The following PPP1R21 variants were observed in gnomAD, a reference collection of about 807,000 sequenced individuals.
The protein encoded by PPP1R21 is protein phosphatase 1 regulatory subunit 21, also known as KLRAQ motif containing 1.
A neutral mutation model predicts 112.8 loss-of-function variants in PPP1R21; 85 were observed. The ratio of observed to expected loss-of-function variants is 0.75; its 90% CI spans 0.63 to 0.90. The LOEUF is 0.90. Ranked by LOEUF, PPP1R21 falls within the 40% of genes least tolerant of loss-of-function variation. The pLI is 0.00. For synonymous variants in PPP1R21, 381 were observed against 322.3 expected, an observed-to-expected ratio of 1.18 and a Z score of -1.95; for missense variants, 1,199 against 901.5, an observed-to-expected ratio of 1.33 and a Z score of -4.23.
At chr2:48,473,763 T>C (rs151056377) in intron 11 of PPP1R21, among the ~76,000 whole-genome samples, 157 of 152,290 alleles carry the variant, frequency 1.0e-3, no homozygotes, top group South Asian at 1.9e-3. Context: ...TTTTTTTTGC[T>C]TGATTACCTC....
Position 48,491,007 on chromosome 2 carries a change from A to G in PPP1R21, c.1447-11A>G. The G allele has an allele frequency of 6.2e-7, 1 of 1,611,726 alleles. No individual in the cohort carries two copies. Among genetic ancestry groups the G allele is most frequent in the Non-Finnish European group, 8.5e-7 (1 of 1,177,910 alleles). ...AAAACAAAATCTATTTCCTTGTCAT[A>G]CTTTGTTTAGATTGCATCCTTCTTC... On this transcript the variant is annotated splice_polypyrimidine_tract_variant and intron_variant, in intron 14 of 21. Coordinates refer to ENST00000294952, the MANE Select transcript of PPP1R21 (RefSeq NM_001135629.3).
At position 48,507,254 on chromosome 2, in the gene PPP1R21, T is replaced by A; in HGVS notation, c.1969-15T>A. 6.5e-7 allele frequency: 1 copy of A among 1,529,604 alleles called. No homozygotes were observed. Among genetic ancestry groups the A allele is most frequent in the Non-Finnish European group, 8.7e-7 (1 of 1,148,586 alleles). The allele number at this position is 1,529,604 out of a possible 1,614,324, so 94.8% of individuals were successfully genotyped here. ...CTGGTACTTGTTTATTTATGTGTAT[T>A]TGTGTTCTATTTAGGTTCCAGATGT... On this transcript the variant is annotated splice_polypyrimidine_tract_variant and intron_variant, in intron 18 of 21. Coordinates refer to ENST00000294952, the MANE Select transcript of PPP1R21 (RefSeq NM_001135629.3).
intron 16 of PPP1R21, 123 bp downstream of exon 16, chr2:48,495,894 G>A (rs753558876): frequency 6.6e-6 from 4 of 605,444 alleles, no homozygotes; most frequent in Admixed American, 2.9e-5. Context: ...GAAATGAATT[G>A]TTTAATACAT....
intron 20 of PPP1R21, among the ~76,000 whole-genome samples, chr2:48,511,034 AT>A (rs916418933): frequency 6.6e-6 from 1 of 152,168 alleles, no homozygotes; most frequent in Non-Finnish European, 1.5e-5. Context: ...AAGTAAAAGA[AT>A]TTTTTTAAAA....
intron 17 of PPP1R21, among the ~76,000 whole-genome samples, chr2:48,504,220 C>T (rs1345245656): frequency 6.6e-6 from 1 of 152,144 alleles, no homozygotes; most frequent in African/African-American, 2.4e-5. Context: ...TATGGCTCTT[C>T]TATTTTAAAA....
At chr2:48,452,480 C>T (rs1667519293) in intron 2 of PPP1R21, among the ~76,000 whole-genome samples, 1 of 151,042 alleles carries the variant, frequency 6.6e-6, no homozygotes, top group African/African-American at 2.4e-5. Context: ...GGAGTTGGAG[C>T]ATTAGTTTAT....
chr2:48,465,992 A>T (rs556748721), intron 9 of PPP1R21, among the ~76,000 whole-genome samples: 5 of 152,288 alleles, frequency 3.3e-5, no homozygotes, highest in Non-Finnish European at 7.4e-5. Context: ...TGTTTCGTGG[A>T]TGGTGGCAGG....
rs568005629 is a variant in PPP1R21 at position 48,474,711 on chromosome 2, T to C, written c.1117T>C (p.Cys373Arg). 93 of 1,611,044 alleles carry C rather than the reference T, an allele frequency of 5.8e-5. No individual in the cohort carries two copies. The highest frequency in any genetic ancestry group is 7.8e-5 in the Non-Finnish European group (92 of 1,178,740). Residue 373 changes from cysteine to arginine, a missense_variant, in exon 12 of 22, where the codon TGC (cysteine) becomes CGC (arginine). Transcript: ENST00000294952. ...SLEEECESSL[C>R]TSALRARNLE... is the part of the protein sequence containing the mutation. Reference sequence around the variant, plus strand: ...AGAAGAAGAATGTGAATCCTCTCTTTGCACATCTGCGTTAAGAGCCAGGAA... The same window carrying C: ...AGAAGAAGAATGTGAATCCTCTCTTCGCACATCTGCGTTAAGAGCCAGGAA...
In PPP1R21 at chr2:48,514,296, T is replaced by C. The variant is rs1670773422; in HGVS notation, c.2314-419T>C. 2.0e-5 allele frequency among the ~76,000 whole-genome samples: 3 copies of C among 151,946 alleles called. No homozygotes were observed. In the South Asian group the frequency reaches 6.2e-4, roughly 31 times the overall value. On this transcript the variant is annotated intron_variant, in intron 21 of 21. Coordinates refer to ENST00000294952, the MANE Select transcript of PPP1R21 (RefSeq NM_001135629.3). ...AGAGACGGGGTTTCACCATGTTAGCTGGGATGGTCTCGATCTCCTGACCTC... is the reference window on the plus strand; with the variant it reads ...AGAGACGGGGTTTCACCATGTTAGCCGGGATGGTCTCGATCTCCTGACCTC...
At chr2:48,479,264 G>T (rs946840803) in intron 12 of PPP1R21, among the ~76,000 whole-genome samples, 4 of 152,196 alleles carry the variant, frequency 2.6e-5, no homozygotes, top group Admixed American at 1.3e-4. Context: ...TAGGAGTTGG[G>T]AGAGACGAAG....
At chr2:48,472,257 A>T (rs890128752) in intron 11 of PPP1R21, among the ~76,000 whole-genome samples, 32 of 150,236 alleles carry the variant, frequency 2.1e-4, no homozygotes, top group African/African-American at 7.3e-4. Flanking sequence ...AAAAAAAAAA[A>T]AAAAAAAAAA....
At chr2:48,498,461 C>G in intron 16 of PPP1R21, 32 bp from the exon 17 acceptor site, 1 of 1,611,172 alleles carries the variant, frequency 6.2e-7, no homozygotes, top group Non-Finnish European at 8.5e-7. Context: ...CTGTATTAGT[C>G]TCTAAGATAC....
intron 7 of PPP1R21, 110 bp downstream of exon 7, chr2:48,461,342 C>G: frequency 6.0e-6 from 8 of 1,336,322 alleles, no homozygotes; most frequent in Non-Finnish European, 7.7e-6. Flanking sequence ...ATTGGCCCCA[C>G]AGAAGATTGC....
At chr2:48,506,460 A>G (rs1391301733) in intron 18 of PPP1R21, among the ~76,000 whole-genome samples, 1 of 152,216 alleles carries the variant, frequency 6.6e-6, no homozygotes, top group Non-Finnish European at 1.5e-5. Flanking sequence ...CAGTATGGCA[A>G]ACTGGTTAAT....
In PPP1R21 at chr2:48,495,724, C is replaced by T. The variant is rs139240031; in HGVS notation, c.1645C>T (p.Arg549Cys). 2.2e-5 allele frequency: 36 copies of T among 1,612,688 alleles called. No homozygotes were observed. The highest frequency in any genetic ancestry group is 2.8e-5 in the Non-Finnish European group (33 of 1,178,694). Residue 549 changes from arginine to cysteine, a missense_variant, in exon 16 of 22, where the codon CGC becomes TGC. Arg to Cys is a radical substitution (Grantham distance 180). Transcript: ENST00000294952. ...VPYEEALANR[R>C]ILLSSTESRE... Reference sequence around the variant, plus strand: ...TTATGAAGAAGCACTGGCAAACCGCCGCATCCTTCTCAGCTCTACTGAAAG... The same window carrying T: ...TTATGAAGAAGCACTGGCAAACCGCTGCATCCTTCTCAGCTCTACTGAAAG...
At chr2:48,463,700 G>T (rs1668078321) in intron 7 of PPP1R21, among the ~76,000 whole-genome samples, 1 of 152,102 alleles carries the variant, frequency 6.6e-6, no homozygotes, top group Non-Finnish European at 1.5e-5. Flanking sequence ...TGCTTTATTT[G>T]TAATGAGGAG....
At chr2:48,490,241 AAAG>A (rs1350072849) in intron 14 of PPP1R21, among the ~76,000 whole-genome samples, 4 of 144,462 alleles carry the variant, frequency 2.8e-5, no homozygotes, top group African/African-American at 1.0e-4. Flanking sequence ...AAAAAAAAAG[AAAG>A]AAAAGAAAAA....
At chr2:48,457,018 C>T (rs986332649) in intron 3 of PPP1R21, among the ~76,000 whole-genome samples, 8 of 151,974 alleles carry the variant, frequency 5.3e-5, no homozygotes, top group African/African-American at 1.9e-4. Context: ...CACCATTGCA[C>T]TCCAGCCTGG....
intron 17 of PPP1R21, among the ~76,000 whole-genome samples, chr2:48,502,441 T>G (rs1670159616): frequency 6.7e-6 from 1 of 149,422 alleles, no homozygotes; most frequent in Non-Finnish European, 1.5e-5. Flanking sequence ...ATGTTTCTAC[T>G]TTCAGCCTTT....
Sources: gnomAD v4.1 joint callset for allele counts (sites outside exome capture counted in the v4.1 genomes callset) on GRCh38, gnomAD v4.1.1 for gene constraint, MANE v1.5 for transcripts, NCBI Gene and HGNC (gene_info 2026-07-23, HGNC 2026-07-21) for gene names.